The following POGLUT2 variants were observed in gnomAD, a reference collection of about 807,000 sequenced individuals.
POGLUT2 encodes the protein ER protein 58.
In POGLUT2, 47 loss-of-function variants were observed where a neutral mutation model predicts 57.6. The ratio of observed to expected loss-of-function variants is 0.82; its 90% CI spans 0.65 to 1.04. The LOEUF (loss-of-function observed/expected upper bound fraction) is 1.04, where lower values mean the gene tolerates loss of function less well. POGLUT2 is among the 50% of genes least tolerant of loss of function. The probability of loss-of-function intolerance (pLI) is 0.00; values close to 1 mark genes in which losing one functional copy is unlikely to be tolerated. For synonymous variants in POGLUT2, 200 were observed against 218.8 expected, an observed-to-expected ratio of 0.91 and a Z score of 0.76; for missense variants, 565 against 614.8, an observed-to-expected ratio of 0.92 and a Z score of 0.86.
Position 102,798,503 on chromosome 13 carries a change from A to G in POGLUT2, c.168T>C (p.Asp56=), listed in dbSNP as rs1233323836. The change falls in exon 1 of 10, where the codon GAT becomes GAC. Residue 56 remains aspartate, a synonymous_variant. Coordinates refer to ENST00000376004, the MANE Select transcript of POGLUT2 (RefSeq NM_024089.3). ...PARYFYIQAV[D]TSGNKFTSSP... ...TCTCGACTTACTTATTCCCTGATGTATCCACTGCCTGAATATAGAAATAGC... is the reference window on the plus strand; with the variant it reads ...TCTCGACTTACTTATTCCCTGATGTGTCCACTGCCTGAATATAGAAATAGC... 1.2e-6 allele frequency: 2 copies of G among 1,609,066 alleles called. No individual in the cohort carries two copies. Among genetic ancestry groups the G allele is most frequent in the African/African-American group, 2.7e-5 (2 of 74,510 alleles).
intron 4 of POGLUT2, chr13:102,792,021 A>T (rs1472189788): frequency 1.7e-5 from 22 of 1,289,656 alleles, no homozygotes; most frequent in Non-Finnish European, 2.2e-5. Flanking sequence ...TGAGAAACCG[A>T]AGTCCTGAAG....
Position 102,787,869 on chromosome 13 carries a change from C to A in POGLUT2, c.1348G>T (p.Asp450Tyr), listed in dbSNP as rs768975095. 6.3e-7 allele frequency: 1 copy of A among 1,594,128 alleles called. No homozygotes were observed. Among genetic ancestry groups the A allele is most frequent in the Admixed American group, 1.7e-5 (1 of 58,616 alleles). Residue 450 changes from aspartate to tyrosine, a missense_variant, in exon 8 of 10, where the codon GAT becomes TAT. Asp to Tyr is a radical substitution (Grantham distance 160). Coordinates refer to ENST00000376004, the MANE Select transcript of POGLUT2 (RefSeq NM_024089.3). ...QEFARNNLMG[D>Y]DIFCYYFKLF... Reference sequence around the variant, plus strand: ...TTGAAATAATAACAGAATATGTCATCGCCCATGAGATTATTTCTTGCAAAT... The same window carrying A: ...TTGAAATAATAACAGAATATGTCATAGCCCATGAGATTATTTCTTGCAAAT...
chr13:102,796,226 C>T (rs539013236), intron 2 of POGLUT2, among the ~76,000 whole-genome samples: 12 of 148,548 alleles, frequency 8.1e-5, no homozygotes, highest in South Asian at 2.2e-4. Flanking sequence ...ACCCGGAAGG[C>T]GGAGCTTGCA....
intron 6 of POGLUT2, 120 bp downstream of exon 6, chr13:102,790,781 T>G (rs1159478403): frequency 4.2e-6 from 3 of 710,040 alleles, no homozygotes; most frequent in Middle Eastern, 3.7e-4. Flanking sequence ...CAATATTCGC[T>G]CAATTTTGTG....
intron 2 of POGLUT2, among the ~76,000 whole-genome samples, chr13:102,794,931 CTT>C (rs71131019): frequency 7.3e-4 from 100 of 136,906 alleles, no homozygotes; most frequent in East Asian, 7.3e-3. Context: ...AACTGCTATT[CTT>C]TTTTTTTTTT....
intron 8 of POGLUT2, 49 bp downstream of exon 8, chr13:102,787,785 A>G (rs1024909648): frequency 2.0e-6 from 2 of 983,182 alleles, no homozygotes; most frequent in Non-Finnish European, 3.1e-6. Context: ...ATTTGTTCTT[A>G]ACATGTCTAC....
intron 4 of POGLUT2, 128 bp from the exon 5 acceptor site, chr13:102,791,558 C>T (rs1566437290): frequency 1.1e-6 from 1 of 905,040 alleles, no homozygotes; most frequent in Non-Finnish European, 1.7e-6. Flanking sequence ...ATAATAATTA[C>T]CTTGGTTTGA....
At chr13:102,791,796 G>A (rs972733703) in intron 4 of POGLUT2, among the ~76,000 whole-genome samples, 1 of 152,180 alleles carries the variant, frequency 6.6e-6, no homozygotes, top group African/African-American at 2.4e-5. Flanking sequence ...ACATACACCA[G>A]GTAGGTGGTG....
At chr13:102,786,459 G>A in intron 8 of POGLUT2, 120 bp from the exon 9 acceptor site, 1 of 715,194 alleles carries the variant, frequency 1.4e-6, no homozygotes, top group Non-Finnish European at 2.5e-6. Context: ...ACTGTGATCT[G>A]CATAGTCCGT....
chr13:102,785,754 A>T (rs1485629420), intron 9 of POGLUT2, among the ~76,000 whole-genome samples: 1 of 152,196 alleles, frequency 6.6e-6, no homozygotes. Context: ...TGTGAATCTG[A>T]CTTTCATTTT....
chr13:102,793,196 G>C, intron 4 of POGLUT2, 145 bp downstream of exon 4: 1 of 563,338 alleles, frequency 1.8e-6, no homozygotes, highest in South Asian at 2.8e-5. Context: ...GCAGGTACCT[G>C]AAATAACAGA....
Position 102,798,901 on chromosome 13 carries a change from C to T in POGLUT2, c.-231G>A, listed in dbSNP as rs993048963. On this transcript the variant is annotated 5_prime_UTR_variant, in exon 1 of 10. Transcript: ENST00000376004. ...AGGGTCCCCTGGCGTTCTGCTGTCC[C>T]GGCCGAGAACCGCGCTGCTCCTCTC... is the stretch of plus-strand genomic sequence containing the variant. 7 of 474,264 alleles carry T rather than the reference C, an allele frequency of 1.5e-5. No individual in the cohort carries two copies. Among genetic ancestry groups the T allele is most frequent in the African/African-American group, 1.4e-4 (7 of 49,212 alleles). 29.4% of individuals were successfully genotyped at this position (474,264 alleles called of 1,614,324 possible).
intron 8 of POGLUT2, among the ~76,000 whole-genome samples, chr13:102,787,002 A>G (rs1877970400): frequency 6.6e-6 from 1 of 151,852 alleles, no homozygotes; most frequent in South Asian, 2.1e-4. Context: ...TAGTACTGTT[A>G]TTAGCCAAGA....
Position 102,793,645 on chromosome 13 carries a change from C to A in POGLUT2, c.550G>T (p.Gly184Ter), listed in dbSNP as rs1204018648. The stretch of plus-strand genomic sequence containing the variant: ...TAGTGACATAGGCTCTGCCTCTGTC[C>A]AAATCTTTTTGGGATTTCTACTGCA... ...KIAVEIPKRF[G>*]QRQSLCHYTL... The change falls in exon 3 of 10, where the codon GGA (glycine) becomes TGA (stop). Residue 184 changes from glycine (G) to a stop codon, truncating the protein, a stop_gained. Coordinates refer to ENST00000376004, the MANE Select transcript of POGLUT2 (RefSeq NM_024089.3). LOFTEE classifies it high-confidence loss of function. 1.9e-6 allele frequency: 3 copies of A among 1,613,956 alleles called. No homozygotes were observed. Among genetic ancestry groups the A allele is most frequent in the African/African-American group, 2.7e-5 (2 of 74,868 alleles).
At position 102,790,949 on chromosome 13, in the gene POGLUT2, G is replaced by T. The variant is rs748631320; in HGVS notation, c.1035C>A (p.Asn345Lys). ...TATGTTTCACAATGGGACCATACAG[G>T]TTTTCATCGTGTTTAAAGAAGAAAA... is the stretch of plus-strand genomic sequence containing the variant. ...TNFFFFKHDENLYGPIVKHIS... is the reference protein window; with the variant it reads ...TNFFFFKHDEKLYGPIVKHIS... Residue 345 changes from asparagine (N) to lysine (K), a missense_variant, in exon 6 of 10, where the codon AAC becomes AAA. By Grantham distance (94) the Asn-to-Lys change is moderately conservative (BLOSUM62 0). Transcript: ENST00000376004. The T allele has an allele frequency of 1.2e-6, 2 of 1,613,458 alleles. No individual in the cohort carries two copies. The highest frequency in any genetic ancestry group is 1.7e-6 in the Non-Finnish European group (2 of 1,179,372).
rs773225895 is a variant in POGLUT2 at position 102,791,289 on chromosome 13, A to G, written c.814T>C (p.Leu272=). The G allele has an allele frequency of 2.5e-6, 4 of 1,608,338 alleles. No individual in the cohort carries two copies. In the South Asian group the frequency reaches 4.5e-5, roughly 18 times the overall value. ...ATGGTTTCCAGAACAGAATCAGTCA[A>G]ATCGTACGTAGGCATCACGATATCC... ...SKDIVMPTYD[L]TDSVLETMGR... Residue 272 remains leucine (L), a synonymous_variant, in exon 5 of 10, where the codon TTG becomes CTG. Transcript: ENST00000376004.
Position 102,784,468 on chromosome 13 carries a change from T to C in POGLUT2, c.*27A>G, listed in dbSNP as rs778531721. 3.5e-6 allele frequency: 5 copies of C among 1,440,822 alleles called. No homozygotes were observed. The highest frequency in any genetic ancestry group is 4.8e-6 in the Non-Finnish European group (5 of 1,032,504). The allele number at this position is 1,440,822 out of a possible 1,614,324, so 89.3% of individuals were successfully genotyped here. ...GTTAAGAAGAGTCTTCAGAGCACCATTATTCTAATAGAAGTTATTTTGCAT... is the reference window on the plus strand; with the variant it reads ...GTTAAGAAGAGTCTTCAGAGCACCACTATTCTAATAGAAGTTATTTTGCAT... On this transcript the variant is annotated 3_prime_UTR_variant, in exon 10 of 10. Transcript: ENST00000376004.
intron 2 of POGLUT2, among the ~76,000 whole-genome samples, chr13:102,795,826 C>T (rs1566439032): frequency 7.0e-6 from 1 of 143,342 alleles, no homozygotes; most frequent in Non-Finnish European, 1.5e-5. Flanking sequence ...TCTTACTTCT[C>T]TGCAGAGTTC....
intron 6 of POGLUT2, among the ~76,000 whole-genome samples, chr13:102,790,367 G>A (rs941474819): frequency 6.6e-6 from 1 of 152,156 alleles, no homozygotes; most frequent in African/African-American, 2.4e-5. Flanking sequence ...GCAGGGTGGT[G>A]CCCACTGCCT....
Sources: allele counts gnomAD v4.1 joint callset (sites outside exome capture counted in the v4.1 genomes callset), GRCh38; gene constraint gnomAD v4.1.1; transcripts MANE v1.5; gene names NCBI Gene and HGNC (gene_info 2026-07-23, HGNC 2026-07-21).